Variants in STAG2 observed in about 807,000 individuals in gnomAD.
STAG2 encodes the protein STAG2 cohesin complex component.
In STAG2, 14 loss-of-function variants were observed where a neutral mutation model predicts 108.1. The observed-to-expected ratio is 0.13, with a 90% CI of 0.09 to 0.20. The LOEUF (loss-of-function observed/expected upper bound fraction) is 0.20, where lower values mean the gene tolerates loss of function less well. Among genes scored for constraint, STAG2 ranks in the 10% least tolerant of loss-of-function variants. The pLI is 1.00. For missense variants in STAG2, 440 were observed against 940.9 expected (o/e 0.47, Z 6.96); for synonymous variants, 307 against 302.7 (o/e 1.01, Z -0.15).
chrX:124,001,297 A>G (rs1202939797), intron 1 of STAG2, among the ~76,000 whole-genome samples: 1 of 111,244 alleles, frequency 9.0e-6, no homozygotes, highest in Non-Finnish European at 1.9e-5. Context: ...TCACCGTGTT[A>G]GCCAGGATGG....
intron 20 of STAG2, 149 bp from the exon 21 acceptor site, chrX:124,065,727 C>T: frequency 3.0e-6 from 1 of 333,126 alleles, no homozygotes; most frequent in Non-Finnish European, 5.1e-6. Context: ...GCCATATTGC[C>T]TTAAATTTGG....
At chrX:124,080,581 G>A (rs894354380) in intron 27 of STAG2, among the ~76,000 whole-genome samples, 1 of 110,028 alleles carries the variant, frequency 9.1e-6, no homozygotes, top group Non-Finnish European at 1.9e-5. Context: ...GCAGCTACTC[G>A]GGAGGCTGAG....
At chrX:124,048,557 G>A (rs2057941726) in intron 9 of STAG2, among the ~76,000 whole-genome samples, 1 of 111,313 alleles carries the variant, frequency 9.0e-6, no homozygotes, top group South Asian at 3.8e-4. Flanking sequence ...AGCCTCCTCA[G>A]TAGCTGGAAT....
chrX:124,078,589 T>C (rs2058861487), intron 27 of STAG2, among the ~76,000 whole-genome samples: 1 of 111,664 alleles, frequency 9.0e-6, no homozygotes, highest in Non-Finnish European at 1.9e-5. Context: ...TAACTTGTTT[T>C]GGTAGATTTC....
At chrX:124,056,625 C>T (rs1239240725) in intron 14 of STAG2, among the ~76,000 whole-genome samples, 1 of 101,507 alleles carries the variant, frequency 9.9e-6, no homozygotes, top group African/African-American at 3.6e-5. Flanking sequence ...CCCAGCTACT[C>T]GGGAGGCTGA....
intron 17 of STAG2, among the ~76,000 whole-genome samples, chrX:124,062,129 T>C (rs2058398832): frequency 9.0e-6 from 1 of 111,500 alleles, no homozygotes; most frequent in South Asian, 3.7e-4. Flanking sequence ...GCATACACCA[T>C]TTGGAATGGT....
At chrX:124,035,320 T>G (rs180825275) in intron 5 of STAG2, among the ~76,000 whole-genome samples, 154 of 112,029 alleles carry the variant, frequency 1.4e-3, no homozygotes, top group Non-Finnish European at 2.4e-3. Flanking sequence ...CGCATTATTT[T>G]TATTATAGCA....
rs1474785856 is a variant in STAG2, at chrX:124,037,808, T to C, written c.385+185T>C. On this transcript the variant is annotated intron_variant, in intron 6 of 34. Coordinates refer to ENST00000371145, the MANE Select transcript of STAG2 (RefSeq NM_001042750.2). The stretch of plus-strand genomic sequence containing the variant: ...TAAGAGAGAAAGTCTATTGACAAAG[T>C]TTTATTCATATGTGAAAGTTATCTA... Among the ~76,000 whole-genome samples the C allele has an allele frequency of 2.7e-5, 3 of 112,559 alleles. No homozygotes were observed. In the East Asian group the frequency reaches 8.3e-4, roughly 31 times the overall value.
chrX:124,027,956 C>T (rs765905110), intron 4 of STAG2, among the ~76,000 whole-genome samples: 5 of 111,427 alleles, frequency 4.5e-5, no homozygotes, highest in African/African-American at 6.5e-5. Flanking sequence ...ACAGCATACC[C>T]ATTCTGCCAT....
intron 4 of STAG2, 48 bp from the exon 5 acceptor site, chrX:124,030,913 C>T (rs763816359): frequency 1.8e-6 from 2 of 1,118,137 alleles, no homozygotes; most frequent in South Asian, 4.7e-5. Flanking sequence ...GTGTTTTGAA[C>T]TCTCAAGGAT....
intron 29 of STAG2, among the ~76,000 whole-genome samples, chrX:124,083,915 C>T (rs1262373294): frequency 9.0e-6 from 1 of 111,661 alleles, no homozygotes; most frequent in Non-Finnish European, 1.9e-5. Flanking sequence ...GAACCACTGC[C>T]TGGCTGCTTT....
chrX:124,031,707 C>T (rs1454222710), intron 5 of STAG2, among the ~76,000 whole-genome samples: 1 of 106,243 alleles, frequency 9.4e-6, no homozygotes, highest in Non-Finnish European at 1.9e-5. Context: ...CGGAAGCCAC[C>T]ATGCCCAGCC....
intron 23 of STAG2, among the ~76,000 whole-genome samples, chrX:124,067,745 T>G (rs952156158): frequency 2.7e-5 from 3 of 112,051 alleles, no homozygotes; most frequent in African/African-American, 9.7e-5. Context: ...AAATTATTTA[T>G]GGTAAGCCAG....
chrX:124,017,144 G>A (rs2056757926), intron 1 of STAG2, among the ~76,000 whole-genome samples: 1 of 110,659 alleles, frequency 9.0e-6, no homozygotes, highest in African/African-American at 3.3e-5. Flanking sequence ...GGGGAACCTT[G>A]TTAGTGATGG....
At chrX:124,096,148 C>G (rs1569522016) in intron 34 of STAG2, among the ~76,000 whole-genome samples, 1 of 107,609 alleles carries the variant, frequency 9.3e-6, no homozygotes, top group Non-Finnish European at 1.9e-5. Context: ...ATCTGATATT[C>G]TCACTTATCG....
intron 1 of STAG2, among the ~76,000 whole-genome samples, chrX:124,016,650 CACA>C (rs1479564832): frequency 1.8e-5 from 2 of 111,410 alleles, no homozygotes; most frequent in East Asian, 2.8e-4. Flanking sequence ...CAGACCTTGA[CACA>C]ACATTTTTTT....
At chrX:123,970,990 G>C (rs1211489724) in intron 1 of STAG2, among the ~76,000 whole-genome samples, 2 of 111,731 alleles carry the variant, frequency 1.8e-5, no homozygotes, top group Admixed American at 1.9e-4. Context: ...TCACTGAATG[G>C]CATGCTGAGA....
intron 4 of STAG2, among the ~76,000 whole-genome samples, chrX:124,028,639 G>A (rs994057519): frequency 3.7e-5 from 4 of 108,590 alleles, no homozygotes; most frequent in African/African-American, 6.7e-5. Flanking sequence ...GAGTTGAGTC[G>A]TTTTGGACTC....
At chrX:124,047,013 G>C (rs2057899153) in intron 8 of STAG2, among the ~76,000 whole-genome samples, 1 of 111,226 alleles carries the variant, frequency 9.0e-6, no homozygotes, top group Admixed American at 9.7e-5. Context: ...ATAGAATAAT[G>C]GGATTTAAGG....
Sources: gnomAD v4.1 joint callset for allele counts (sites outside exome capture counted in the v4.1 genomes callset) on GRCh38, gnomAD v4.1.1 for gene constraint, MANE v1.5 for transcripts, NCBI Gene and HGNC (gene_info 2026-07-23, HGNC 2026-07-21) for gene names.